The following ATP6V1C1 variants were observed in gnomAD, a reference collection of about 807,000 sequenced individuals.
ATP6V1C1 encodes V-type proton ATPase subunit C 1.
ATP6V1C1 carries 45 observed loss-of-function variants against 53.9 expected under a neutral mutation model. That is an observed-to-expected ratio of 0.83 (90% confidence interval 0.66 to 1.07). The LOEUF is 1.07. ATP6V1C1 is among the 50% of genes least tolerant of loss of function. The pLI is 0.00. For missense variants in ATP6V1C1, 315 were observed against 440.3 expected (o/e 0.72, Z 2.55); for synonymous variants, 153 against 155.2 (o/e 0.99, Z 0.11).
Position 103,053,957 on chromosome 8 carries a change from G to A in ATP6V1C1, c.547G>A (p.Val183Ile), listed in dbSNP as rs768637648. ...DDFVLDSEYL[V>I]TLLVVVPKLN... is the part of the protein sequence containing the mutation. ...CTTTGTTCTTGATTCAGAGTATCTCGTCACATTACTGGTAGTAGTTCCCAA... is the reference window on the plus strand; with the variant it reads ...CTTTGTTCTTGATTCAGAGTATCTCATCACATTACTGGTAGTAGTTCCCAA... The change falls in exon 7 of 13, where the codon GTC becomes ATC. Residue 183 changes from valine to isoleucine, a missense_variant. Val to Ile is a conservative substitution (Grantham distance 29). Coordinates refer to ENST00000518738, the MANE Select transcript of ATP6V1C1 (RefSeq NM_001695.5). 3.2e-5 allele frequency: 52 copies of A among 1,609,474 alleles called. No homozygotes were observed. The Middle Eastern group carries it at 4.9e-4, about 15-fold the overall frequency.
At chr8:103,037,811 A>AT (rs1816924413) in intron 1 of ATP6V1C1, among the ~76,000 whole-genome samples, 1 of 152,132 alleles carries the variant, frequency 6.6e-6, no homozygotes, top group African/African-American at 2.4e-5. Flanking sequence ...TATTTGCCTG[A>AT]TTTTTTAAAT....
At chr8:103,059,878 G>GCACA (rs199689509) in intron 8 of ATP6V1C1, among the ~76,000 whole-genome samples, 1 of 66,438 alleles carries the variant, frequency 1.5e-5, no homozygotes, top group African/African-American at 5.9e-5. Context: ...CCCCCAGCAC[G>GCACA]CACACACACA....
chr8:103,068,006 T>G (rs1262194779), intron 12 of ATP6V1C1, among the ~76,000 whole-genome samples: 1 of 152,156 alleles, frequency 6.6e-6, no homozygotes, highest in Non-Finnish European at 1.5e-5. Flanking sequence ...CCTTGCTTGT[T>G]TTTTGGCTCT....
intron 4 of ATP6V1C1, 48 bp downstream of exon 4, chr8:103,049,003 T>C (rs1817153900): frequency 1.3e-6 from 2 of 1,531,500 alleles, no homozygotes; most frequent in South Asian, 2.3e-5. Context: ...ACAAAGCAAA[T>C]AACTAAGCTA....
chr8:103,026,260 A>G (rs1013738913), intron 1 of ATP6V1C1, among the ~76,000 whole-genome samples: 11 of 152,214 alleles, frequency 7.2e-5, no homozygotes, highest in Admixed American at 3.9e-4. Flanking sequence ...CCACTCCACA[A>G]TGTCACAGTG....
chr8:103,023,449 A>G (rs1056486218), intron 1 of ATP6V1C1, among the ~76,000 whole-genome samples: 1 of 152,118 alleles, frequency 6.6e-6, no homozygotes, highest in Non-Finnish European at 1.5e-5. Context: ...TCACTTTTAG[A>G]GGGTTCAGGA....
intron 1 of ATP6V1C1, among the ~76,000 whole-genome samples, chr8:103,024,498 T>A (rs1190326846): frequency 1.3e-5 from 2 of 152,194 alleles, no homozygotes; most frequent in African/African-American, 2.4e-5. Flanking sequence ...AAGCAGCAAG[T>A]CTTCTTTTGA....
chr8:103,072,826 TTTC>T lies in ATP6V1C1; in HGVS notation c.*4087_*4089del, dbSNP rs1411751394. 1 of 152,026 alleles carries T rather than the reference TTTC, an allele frequency of 6.6e-6. No homozygotes were observed. The highest frequency in any genetic ancestry group is 1.5e-5 in the Non-Finnish European group (1 of 67,996). The allele number at this position is 152,026 out of a possible 1,614,324, so 9.4% of individuals were successfully genotyped here. Reference sequence around the variant, plus strand: ...AGTAAGAGACTGCCGCCTGGCATGGTTTCTTCTTCTGCAGAAGATGAAACTGAG... The same window carrying T: ...AGTAAGAGACTGCCGCCTGGCATGGTTTCTTCTGCAGAAGATGAAACTGAG... On this transcript the variant is annotated 3_prime_UTR_variant, in exon 13 of 13. Transcript: ENST00000518738.
chr8:103,035,826 C>T (rs751123849), intron 1 of ATP6V1C1, among the ~76,000 whole-genome samples: 4 of 152,160 alleles, frequency 2.6e-5, no homozygotes, highest in Non-Finnish European at 5.9e-5. Flanking sequence ...CATCGAATCT[C>T]TAGTATCTGA....
intron 1 of ATP6V1C1, among the ~76,000 whole-genome samples, chr8:103,022,211 C>T (rs1301696955): frequency 1.3e-5 from 2 of 152,126 alleles, no homozygotes; most frequent in African/African-American, 4.8e-5. Flanking sequence ...GGCAAGCCCT[C>T]AGGATTTGAA....
In ATP6V1C1 at chr8:103,066,321, G is replaced by T. The variant is rs1161886531; in HGVS notation, c.927G>T (p.Arg309Ser). ...ALRVFVESVL[R>S]YGLPVNFQAM... ...TACTGTATTTCTGCTTTTTTGTAAG[G>T]TATGGCTTGCCAGTGAACTTCCAAG... The change falls in exon 12 of 13, where the codon AGG (arginine) becomes AGT (serine). Residue 309 changes from arginine (R) to serine (S), a missense_variant and splice_region_variant. Coordinates refer to ENST00000518738, the MANE Select transcript of ATP6V1C1 (RefSeq NM_001695.5). 1.2e-6 allele frequency: 2 copies of T among 1,604,876 alleles called. No homozygotes were observed. The highest frequency in any genetic ancestry group is 2.3e-5 in the South Asian group (2 of 88,798).
intron 1 of ATP6V1C1, among the ~76,000 whole-genome samples, chr8:103,022,336 A>T (rs908778380): frequency 3.9e-5 from 6 of 152,140 alleles, no homozygotes; most frequent in Admixed American, 3.9e-4. Flanking sequence ...TTTACAGTGG[A>T]TTGCACTGCG....
intron 1 of ATP6V1C1, among the ~76,000 whole-genome samples, chr8:103,040,222 T>A (rs1396965991): frequency 7.1e-6 from 1 of 139,894 alleles, no homozygotes; most frequent in Non-Finnish European, 1.6e-5. Context: ...AAGACCAGCC[T>A]GGCTAACATG....
At chr8:103,064,190 A>G (rs1433108673) in intron 10 of ATP6V1C1, among the ~76,000 whole-genome samples, 1 of 152,174 alleles carries the variant, frequency 6.6e-6, no homozygotes, top group East Asian at 1.9e-4. Context: ...ACTTAACGCT[A>G]TACAATTTAG....
chr8:103,055,654 CTGGAG>C (rs1817278072), intron 7 of ATP6V1C1, among the ~76,000 whole-genome samples: 1 of 152,056 alleles, frequency 6.6e-6, no homozygotes, highest in Non-Finnish European at 1.5e-5. Flanking sequence ...GCAATGGTTA[CTGGAG>C]GTAGGGTGGT....
chr8:103,055,591 C>T (rs1215957834), intron 7 of ATP6V1C1, among the ~76,000 whole-genome samples: 1 of 152,148 alleles, frequency 6.6e-6, no homozygotes, highest in African/African-American at 2.4e-5. Flanking sequence ...AATTTAGAAT[C>T]TATACTGTGC....
At chr8:103,036,941 TAATAA>T (rs1376306143) in intron 1 of ATP6V1C1, among the ~76,000 whole-genome samples, 1 of 152,192 alleles carries the variant, frequency 6.6e-6, no homozygotes, top group Non-Finnish European at 1.5e-5. Flanking sequence ...AAAATTATTA[TAATAA>T]AATCTCAATT....
chr8:103,035,638 C>A (rs75293704), intron 1 of ATP6V1C1, among the ~76,000 whole-genome samples: 1 of 152,078 alleles, frequency 6.6e-6, no homozygotes, highest in Non-Finnish European at 1.5e-5. Context: ...GAAGGGCGGC[C>A]GCATGGAAAG....
intron 1 of ATP6V1C1, among the ~76,000 whole-genome samples, chr8:103,035,549 A>T (rs1816879566): frequency 6.6e-6 from 1 of 152,078 alleles, no homozygotes; most frequent in African/African-American, 2.4e-5. Context: ...TAAGCAAAGG[A>T]TATTTCTCAT....
Sources: gnomAD v4.1 joint callset for allele counts (sites outside exome capture counted in the v4.1 genomes callset) on GRCh38, gnomAD v4.1.1 for gene constraint, MANE v1.5 for transcripts, NCBI Gene and HGNC (gene_info 2026-07-23, HGNC 2026-07-21) for gene names.